Variants in BMP5 observed in about 807,000 individuals in gnomAD.
BMP5 encodes the protein bone morphogenetic protein 5.
Under a neutral mutation model 46.6 loss-of-function variants are expected in BMP5, and 23 were observed. That is an observed-to-expected ratio of 0.49 (90% CI 0.35 to 0.70). The LOEUF (loss-of-function observed/expected upper bound fraction) is 0.70. Among genes scored for constraint, BMP5 ranks in the 30% least tolerant of loss-of-function variants. The probability of loss-of-function intolerance (pLI) is 0.00; values close to 1 mark genes in which losing one functional copy is unlikely to be tolerated. For synonymous variants in BMP5, 204 were observed against 191.9 expected (o/e 1.06, Z -0.52); for missense variants, 545 against 565.6 (o/e 0.96, Z 0.37).
chr6:55,862,403 T>A (rs1474085189), intron 1 of BMP5, among the ~76,000 whole-genome samples: 1 of 152,188 alleles, frequency 6.6e-6, no homozygotes, highest in Non-Finnish European at 1.5e-5. Flanking sequence ...CCCCTTTTAT[T>A]TCAATTTATA....
At chr6:55,785,711 C>T (rs1291265968) in intron 3 of BMP5, among the ~76,000 whole-genome samples, 1 of 150,628 alleles carries the variant, frequency 6.6e-6, no homozygotes, top group African/African-American at 2.4e-5. Context: ...CTCTTAGCCA[C>T]ATCTTTTAAA....
intron 1 of BMP5, among the ~76,000 whole-genome samples, chr6:55,836,769 A>T (rs1332238540): frequency 1.3e-5 from 2 of 152,098 alleles, no homozygotes; most frequent in African/African-American, 4.8e-5. Flanking sequence ...ACGTTCACAC[A>T]GCTGTACTTT....
chr6:55,809,720 A>G (rs974661284), intron 2 of BMP5, among the ~76,000 whole-genome samples: 18 of 152,116 alleles, frequency 1.2e-4, no homozygotes, highest in African/African-American at 4.3e-4. Flanking sequence ...GGAGAAACCA[A>G]TAGGATAGCC....
intron 1 of BMP5, 124 bp from the exon 2 acceptor site, chr6:55,819,971 C>T: frequency 3.6e-6 from 3 of 835,960 alleles, no homozygotes; most frequent in Non-Finnish European, 5.6e-6. Flanking sequence ...CTGGAAAAAC[C>T]CTAAAACCAC....
At chr6:55,794,723 T>G (rs1363296147) in intron 2 of BMP5, among the ~76,000 whole-genome samples, 2 of 152,162 alleles carry the variant, frequency 1.3e-5, no homozygotes, top group Non-Finnish European at 2.9e-5. Context: ...TGGTCATCAG[T>G]GTTCCCGGTA....
intron 1 of BMP5, among the ~76,000 whole-genome samples, chr6:55,863,552 G>A (rs572099454): frequency 2.3e-4 from 35 of 152,212 alleles, no homozygotes; most frequent in African/African-American, 8.2e-4. Flanking sequence ...CTCTGCCATG[G>A]GAACTACATT....
At chr6:55,766,398 G>A (rs1774917386) in intron 4 of BMP5, among the ~76,000 whole-genome samples, 1 of 151,368 alleles carries the variant, frequency 6.6e-6, no homozygotes, top group Non-Finnish European at 1.5e-5. Context: ...CTAACAATTT[G>A]GCTTATAGCT....
intron 2 of BMP5, among the ~76,000 whole-genome samples, chr6:55,800,252 T>C (rs191295551): frequency 9.9e-5 from 15 of 152,232 alleles, no homozygotes; most frequent in Non-Finnish European, 5.9e-5. Context: ...ATGAGACAAG[T>C]TTGAAGAAAA....
chr6:55,796,940 T>C lies in BMP5; in HGVS notation c.684-2513A>G, dbSNP rs192623904. Among the ~76,000 whole-genome samples the C allele has an allele frequency of 2.7e-4, 41 of 152,316 alleles. 1 individual carries two copies. Among genetic ancestry groups the C allele is most frequent in the Admixed American group, 2.4e-3 (36 of 15,290 alleles). On this transcript the variant is annotated intron_variant, in intron 2 of 6. Coordinates refer to ENST00000370830, the MANE Select transcript of BMP5 (RefSeq NM_021073.4). The stretch of plus-strand genomic sequence containing the variant: ...TTTCTAGTTCACCTCTGAAAAGTTA[T>C]GAAAGTTTAATTGATTTCATAAGTG...
intron 3 of BMP5, among the ~76,000 whole-genome samples, chr6:55,792,391 G>C (rs1259177087): frequency 6.6e-6 from 1 of 152,018 alleles, no homozygotes; most frequent in Non-Finnish European, 1.5e-5. Flanking sequence ...AAAATTAGCC[G>C]GGCATGGTGG....
chr6:55,781,745 C>CT (rs1178068377), intron 3 of BMP5, among the ~76,000 whole-genome samples: 1 of 151,668 alleles, frequency 6.6e-6, no homozygotes, highest in Non-Finnish European at 1.5e-5. Context: ...GTAGCTAGGA[C>CT]TAGAGGCATG....
chr6:55,859,143 A>G (rs1306199708), intron 1 of BMP5, among the ~76,000 whole-genome samples: 1 of 152,196 alleles, frequency 6.6e-6, no homozygotes, highest in Non-Finnish European at 1.5e-5. Context: ...TTTAAAAAAA[A>G]AGTTTAAAAA....
At chr6:55,827,473 G>A (rs1240007488) in intron 1 of BMP5, among the ~76,000 whole-genome samples, 1 of 151,478 alleles carries the variant, frequency 6.6e-6, no homozygotes, top group Non-Finnish European at 1.5e-5. Context: ...TTTATATATT[G>A]GTGGAACACG....
At chr6:55,848,225 C>A (rs1777145420) in intron 1 of BMP5, among the ~76,000 whole-genome samples, 1 of 151,974 alleles carries the variant, frequency 6.6e-6, no homozygotes, top group Admixed American at 6.6e-5. Context: ...GAATAAATAT[C>A]CTGCAAAAAT....
intron 2 of BMP5, among the ~76,000 whole-genome samples, chr6:55,807,030 C>A (rs779733175): frequency 6.6e-6 from 1 of 152,134 alleles, no homozygotes; most frequent in South Asian, 2.1e-4. Context: ...GACAATTTGA[C>A]CTCCTCTCTT....
At chr6:55,772,632 G>T in intron 4 of BMP5, 1 of 523,730 alleles carries the variant, frequency 1.9e-6, no homozygotes, top group Non-Finnish European at 2.4e-6. Flanking sequence ...ACAGCTTTTT[G>T]CCAAACTAAA....
intron 1 of BMP5, among the ~76,000 whole-genome samples, chr6:55,866,856 A>C (rs960705548): frequency 6.6e-6 from 1 of 151,984 alleles, no homozygotes; most frequent in African/African-American, 2.4e-5. Context: ...TATTTCACCA[A>C]CTCCTGAAGT....
chr6:55,802,982 C>T (rs928137443), intron 2 of BMP5, among the ~76,000 whole-genome samples: 14 of 151,982 alleles, frequency 9.2e-5, no homozygotes, highest in Admixed American at 4.6e-4. Flanking sequence ...TTTGCTATTA[C>T]ATTTTTTATA....
chr6:55,802,492 A>T (rs1017543886), intron 2 of BMP5, among the ~76,000 whole-genome samples: 1 of 152,136 alleles, frequency 6.6e-6, no homozygotes, highest in African/African-American at 2.4e-5. Context: ...CATTGCAGGC[A>T]TTATCGCTAA....
Sources: allele counts gnomAD v4.1 joint callset (sites outside exome capture counted in the v4.1 genomes callset), GRCh38; gene constraint gnomAD v4.1.1; transcripts MANE v1.5; gene names NCBI Gene and HGNC (gene_info 2026-07-23, HGNC 2026-07-21).